Variants in PRRC2B observed in about 807,000 individuals in gnomAD.
PRRC2B encodes the protein protein PRRC2B.
In PRRC2B, 68 loss-of-function variants were observed where a neutral mutation model predicts 242.3. The ratio of observed to expected loss-of-function variants is 0.28; its 90% CI spans 0.23 to 0.34. PRRC2B has a LOEUF of 0.34. Ranked by LOEUF, PRRC2B falls within the 10% of genes least tolerant of loss-of-function variation. The pLI is 1.00. For synonymous variants in PRRC2B, 1,228 were observed against 1,173.6 expected (o/e 1.05, Z -0.95); for missense variants, 2,835 against 2,954.8 (o/e 0.96, Z 0.94).
intron 3 of PRRC2B, among the ~76,000 whole-genome samples, 179 bp from the exon 4 acceptor site, chr9:131,436,441 G>A (rs958820962): frequency 2.0e-5 from 3 of 152,226 alleles, no homozygotes; most frequent in Non-Finnish European, 4.4e-5. Context: ...ACTTAAGCAT[G>A]GTTTGTTTTC....
At chr9:131,476,768 C>T (rs1018290026) in intron 16 of PRRC2B, among the ~76,000 whole-genome samples, 3 of 150,648 alleles carry the variant, frequency 2.0e-5, no homozygotes, top group African/African-American at 7.3e-5. Flanking sequence ...CTTGAGGCCA[C>T]TGTCCAGCAC....
At chr9:131,385,158 CT>C (rs1836811502) in intron 1 of PRRC2B, among the ~76,000 whole-genome samples, 1 of 149,968 alleles carries the variant, frequency 6.7e-6, no homozygotes, top group Admixed American at 6.9e-5. Flanking sequence ...CAGGCATGAG[CT>C]ACACCAGTAA....
chr9:131,384,276 A>G (rs1836801238), intron 1 of PRRC2B, among the ~76,000 whole-genome samples: 1 of 148,842 alleles, frequency 6.7e-6, no homozygotes, highest in African/African-American at 2.5e-5. Context: ...GTATGTATGT[A>G]TGTATGTATG....
intron 6 of PRRC2B, among the ~76,000 whole-genome samples, chr9:131,445,560 A>G (rs1007801057): frequency 6.6e-6 from 1 of 152,250 alleles, no homozygotes; most frequent in African/African-American, 2.4e-5. Flanking sequence ...AGAAGCTTCT[A>G]AGCATCAGTT....
chr9:131,436,597 C>T lies in PRRC2B; in HGVS notation c.294-23C>T, dbSNP rs770882915. The T allele has an allele frequency of 1.2e-5, 19 of 1,600,308 alleles. No individual in the cohort carries two copies. The East Asian group carries it at 1.8e-4, about 15-fold the overall frequency. On this transcript the variant is annotated intron_variant, in intron 3 of 31. Coordinates refer to ENST00000683519, the MANE Select transcript of PRRC2B (RefSeq NM_013318.4). ...CAGCGCACTCTGTGCGGTGCCTGAC[C>T]CCACTGCCCTGCCTTTGTCTAGTTC... is the stretch of plus-strand genomic sequence containing the variant.
intron 18 of PRRC2B, 103 bp from the exon 19 acceptor site, chr9:131,479,149 T>C: frequency 8.3e-7 from 1 of 1,204,308 alleles, no homozygotes. Flanking sequence ...CTCTGGAGCA[T>C]TTTCAGGTGG....
In PRRC2B at chr9:131,494,781, G is replaced by A. The variant is rs551280197; in HGVS notation, c.6555+295G>A. On this transcript the variant is annotated intron_variant, in intron 31 of 31. Transcript: ENST00000683519. This position sits in a 1 kb window ranked among gnomAD's most constrained non-coding sequence, Gnocchi z 4.3. ...AGCCCTGGCAGGTCGGGGCTGAGGC[G>A]CCCTGGGAGACTCGGTTAGGTTTGG... Among the ~76,000 whole-genome samples, 4 of 152,190 alleles carry A rather than the reference G, an allele frequency of 2.6e-5. No homozygotes were observed. The highest frequency in any genetic ancestry group is 7.2e-5 in the African/African-American group (3 of 41,438).
chr9:131,448,543 C>CAAAAAAAAAAAAAAAAAACAAAAAAAA (rs1838885117), intron 9 of PRRC2B, among the ~76,000 whole-genome samples: 1 of 39,874 alleles, frequency 2.5e-5, no homozygotes, highest in Non-Finnish European at 5.3e-5. Context: ...GACACTGTCT[C>CAAAAAAAAAAAAAAAAAACAAAAAAAA]AAAAAAAAAA....
chr9:131,396,579 G>T (rs749742683), intron 1 of PRRC2B, among the ~76,000 whole-genome samples: 2 of 152,104 alleles, frequency 1.3e-5, no homozygotes, highest in Non-Finnish European at 2.9e-5. Context: ...GCCTGCCTTG[G>T]CCTCCCAAAG....
chr9:131,454,137 G>C (rs1018984162), intron 9 of PRRC2B, among the ~76,000 whole-genome samples: 1 of 152,144 alleles, frequency 6.6e-6, no homozygotes, highest in Non-Finnish European at 1.5e-5. Flanking sequence ...GGCCTTTCTT[G>C]TCTGGCTTCT....
intron 14 of PRRC2B, 84 bp downstream of exon 14, chr9:131,471,067 A>G (rs768362713): frequency 4.1e-6 from 4 of 987,094 alleles, no homozygotes; most frequent in Non-Finnish European, 5.9e-6. Flanking sequence ...TTAAACAGAT[A>G]CACCTGGATT....
chr9:131,396,492 A>AT (rs1156721486), intron 1 of PRRC2B, among the ~76,000 whole-genome samples: 1 of 151,614 alleles, frequency 6.6e-6, no homozygotes, highest in Non-Finnish European at 1.5e-5. Flanking sequence ...CACCTGGCCA[A>AT]TTTTTGTGTT....
At chr9:131,464,161 C>T (rs1021588524) in intron 11 of PRRC2B, among the ~76,000 whole-genome samples, 29 of 152,222 alleles carry the variant, frequency 1.9e-4, no homozygotes, top group African/African-American at 6.0e-4. Context: ...AGGCTGGTCT[C>T]GAACTCCTGA....
Position 131,474,650 on chromosome 9 carries a change from G to A in PRRC2B, c.2521G>A (p.Gly841Ser). ...FPPQENVQDAGAPGGHTQNLR... is the reference protein window; with the variant it reads ...FPPQENVQDASAPGGHTQNLR... ...ACCCCAAGAAAATGTTCAGGATGCA[G>A]GTGCTCCTGGGGGTCACACCCAAAA... The change falls in exon 16 of 32, where the codon GGT (glycine) becomes AGT (serine). Residue 841 changes from glycine (G) to serine (S), a missense_variant. Transcript: ENST00000683519. The A allele has an allele frequency of 6.2e-7, 1 of 1,613,810 alleles. No individual in the cohort carries two copies. The highest frequency in any genetic ancestry group is 1.3e-5 in the African/African-American group (1 of 75,062).
chr9:131,395,296 G>A (rs1270606301), intron 1 of PRRC2B, among the ~76,000 whole-genome samples: 6 of 152,044 alleles, frequency 3.9e-5, no homozygotes, highest in African/African-American at 1.2e-4. Flanking sequence ...GGTTTAGTGT[G>A]CATTTGATGT....
At chr9:131,444,074 C>T (rs1296858455) in intron 5 of PRRC2B, 111 bp from the exon 6 acceptor site, 5 of 1,248,286 alleles carry the variant, frequency 4.0e-6, no homozygotes, top group South Asian at 2.8e-5. Flanking sequence ...TGACAAGACT[C>T]CCTTCAAAAG....
rs748350621 is a variant in PRRC2B at position 131,477,933 on chromosome 9, T to G, written c.4596T>G (p.Phe1532Leu). The G allele has an allele frequency of 3.7e-6, 6 of 1,613,844 alleles. No individual in the cohort carries two copies. The East Asian group carries it at 8.9e-5, about 24-fold the overall frequency. The change falls in exon 17 of 32, where the codon TTT becomes TTG. Residue 1532 changes from phenylalanine to leucine, a missense_variant. Physicochemically the swap from Phe to Leu is conservative, Grantham distance 22. Around this residue, in one of 7 missense-constraint regions of PRRC2B, gnomAD observed 1,536 missense variants for 1,483.1 expected, o/e 1.04. Coordinates refer to ENST00000683519, the MANE Select transcript of PRRC2B (RefSeq NM_013318.4). ...AACAGGGAGAGGCCATGAAACAGTT[T>G]GACCTGAACTATGGAAGTAAGTCAT... Reference protein sequence around the residue: ...AGEQGEAMKQFDLNYGSAIIE... With the variant: ...AGEQGEAMKQLDLNYGSAIIE...
upstream of PRRC2B, among the ~76,000 whole-genome samples, chr9:131,392,641 G>A (rs1836921085): frequency 6.6e-6 from 1 of 152,138 alleles, no homozygotes; most frequent in African/African-American, 2.4e-5. Context: ...ATGTAAAACA[G>A]AGTGGCCGGC....
At position 131,447,730 on chromosome 9, in the gene PRRC2B, G is replaced by C; in HGVS notation, c.1046G>C (p.Arg349Pro). 1 of 1,613,600 alleles carries C rather than the reference G, an allele frequency of 6.2e-7. No individual in the cohort carries two copies. The highest frequency in any genetic ancestry group is 8.5e-7 in the Non-Finnish European group (1 of 1,179,678). ...AGGCAGCTGGTGGAGCGGGCACCAC[G>C]GCCCACCATTATCAATGCGGAAAAC... is the stretch of plus-strand genomic sequence containing the variant. The part of the protein sequence containing the change: ...PLRQLVERAP[R>P]PTIINAENLK... The change falls in exon 9 of 32, where the codon CGG becomes CCG. Residue 349 changes from arginine (R) to proline (P), a missense_variant. Arg to Pro is a moderately radical substitution (Grantham distance 103, BLOSUM62 -2). This residue lies in a region of PRRC2B where 626 missense variants were observed against 685.5 expected (regional missense o/e 0.91). Transcript: ENST00000683519.
Sources: gnomAD v4.1 joint callset for allele counts (sites outside exome capture counted in the v4.1 genomes callset) on GRCh38, gnomAD v4.1.1 for gene constraint, gnomAD v4.1.1 regional missense constraint, Gnocchi (gnomAD v3.1) non-coding constraint, MANE v1.5 for transcripts, NCBI Gene and HGNC (gene_info 2026-07-23, HGNC 2026-07-21) for gene names.